Variants in BLTP1 observed in about 807,000 individuals in gnomAD.
BLTP1 encodes bridge-like lipid transfer protein family member 1.
At chr4:122,189,310 G>GATGT in the BLTP1 span, 1 of 980,254 alleles carries the variant, frequency 1.0e-6, no homozygotes, top group South Asian at 4.7e-5. Flanking sequence ...AAGATATTGT[G>GATGT]ATGTATGTAT....
the BLTP1 span, chr4:122,300,770 A>C: frequency 4.2e-5 from 15 of 356,370 alleles, no homozygotes; most frequent in Non-Finnish European, 5.5e-5. Flanking sequence ...TCAACTCAAC[A>C]TATGTACAAA....
the BLTP1 span, chr4:122,271,874 A>G: frequency 1.4e-6 from 1 of 699,810 alleles, no homozygotes; most frequent in South Asian, 2.1e-5. Context: ...TAAAACAGTA[A>G]TGGAATTCAG....
At chr4:122,189,750 A>G in the BLTP1 span, 8 of 876,464 alleles carry the variant, frequency 9.1e-6, no homozygotes, top group Non-Finnish European at 1.1e-5. Flanking sequence ...TTTCTTCTTG[A>G]AGTAATTTAC....
the BLTP1 span, chr4:122,337,126 G>T: frequency 9.9e-7 from 1 of 1,014,982 alleles, no homozygotes; most frequent in East Asian, 2.5e-5. Context: ...TTAACCTCAG[G>T]TTCATGAACC....
At chr4:122,243,095 GT>G in the BLTP1 span, 1 of 1,605,950 alleles carries the variant, frequency 6.2e-7, no homozygotes, top group Non-Finnish European at 8.5e-7. Flanking sequence ...TGCTTTTAAA[GT>G]GTCTTCCTTG....
chr4:122,288,835 A>G, the BLTP1 span: 1 of 279,446 alleles, frequency 3.6e-6, no homozygotes, highest in Middle Eastern at 1.8e-3. Context: ...TTTGCTCCCC[A>G]GACTTCTCAT....
At chr4:122,276,868 G>C in the BLTP1 span, 11 of 982,896 alleles carry the variant, frequency 1.1e-5, no homozygotes, top group Non-Finnish European at 1.2e-5. Context: ...ACCTCTGATA[G>C]AGCTACTGTT....
At chr4:122,252,884 A>C in the BLTP1 span, among the ~76,000 whole-genome samples, 1 of 152,146 alleles carries the variant, frequency 6.6e-6, no homozygotes, top group African/African-American at 2.4e-5. Flanking sequence ...CTAACCCCAC[A>C]CAGTTCCACT....
the BLTP1 span, chr4:122,188,053 TC>T: frequency 6.4e-7 from 1 of 1,554,920 alleles, no homozygotes; most frequent in Non-Finnish European, 8.6e-7. Context: ...TCATGCTTGT[TC>T]CTAGTCCAAG....
the BLTP1 span, chr4:122,343,336 GTTC>G: frequency 6.4e-7 from 1 of 1,574,032 alleles, no homozygotes; most frequent in Non-Finnish European, 8.6e-7. Context: ...GTCATGTCTG[GTTC>G]TTAAGAACAT....
the BLTP1 span, among the ~76,000 whole-genome samples, chr4:122,233,749 CTATTT>C: frequency 1.3e-5 from 2 of 152,058 alleles, no homozygotes; most frequent in African/African-American, 4.8e-5. Context: ...AAGATTCTCC[CTATTT>C]TCTTTGTCAC....
the BLTP1 span, among the ~76,000 whole-genome samples, chr4:122,215,124 A>G: frequency 6.6e-6 from 1 of 152,242 alleles, no homozygotes; most frequent in Admixed American, 6.5e-5. Context: ...CCTTTAGAGC[A>G]AAGTCACTGA....
At chr4:122,272,229 C>T in the BLTP1 span, 2 of 1,613,196 alleles carry the variant, frequency 1.2e-6, no homozygotes. Context: ...AGCAGTTTGA[C>T]TAAGACTCAG....
the BLTP1 span, among the ~76,000 whole-genome samples, chr4:122,267,310 C>T: frequency 5.9e-5 from 9 of 152,050 alleles, no homozygotes; most frequent in African/African-American, 1.7e-4. Context: ...CCACCCGCCT[C>T]GGCCTCCCAA....
the BLTP1 span, chr4:122,244,134 GTA>G: frequency 8.2e-7 from 1 of 1,222,154 alleles, no homozygotes; most frequent in Non-Finnish European, 1.1e-6. Flanking sequence ...ATAGTTATAA[GTA>G]TATGTGATAT....
the BLTP1 span, chr4:122,270,927 T>G: frequency 1.4e-6 from 2 of 1,435,666 alleles, no homozygotes; most frequent in Non-Finnish European, 1.8e-6. Flanking sequence ...TATTTTACCT[T>G]GGAGATGATT....
chr4:122,264,989 G>A, the BLTP1 span, among the ~76,000 whole-genome samples: 5,472 of 152,234 alleles, frequency 0.036, 344 homozygotes, highest in African/African-American at 0.12. Context: ...TAAATATGGC[G>A]AATAAAGAGT....
At chr4:122,351,125 G>T in the BLTP1 span, 7 of 174,232 alleles carry the variant, frequency 4.0e-5, no homozygotes, top group Non-Finnish European at 7.9e-5. Context: ...GCCATTGCAA[G>T]AGTCCAGGCA....
chr4:122,219,307 T>C, the BLTP1 span: 1 of 1,603,956 alleles, frequency 6.2e-7, no homozygotes. Context: ...ATACCTCTTT[T>C]GACAGCAATT....
Sources: allele counts gnomAD v4.1 joint callset (sites outside exome capture counted in the v4.1 genomes callset), GRCh38; gene constraint gnomAD v4.1.1; transcripts MANE v1.5; gene names NCBI Gene and HGNC (gene_info 2026-07-23, HGNC 2026-07-21).